TAOK1: variants seen among roughly 807,000 people sequenced by gnomAD.
TAOK1 encodes the protein TAO kinase 1, also known as serine/threonine-protein kinase TAO1.
In TAOK1, 21 loss-of-function variants were observed where a neutral mutation model predicts 138.3. The ratio of observed to expected loss-of-function variants is 0.15; its 90% CI spans 0.11 to 0.22. The LOEUF is 0.22. Among genes scored for constraint, TAOK1 ranks in the 10% least tolerant of loss-of-function variants. The pLI, the probability that TAOK1 is intolerant of heterozygous loss-of-function variation, is 1.00. For missense variants in TAOK1, 651 were observed against 1,227.7 expected (o/e 0.53, Z 7.02); for synonymous variants, 361 against 398.4 (o/e 0.91, Z 1.12).
intron 11 of TAOK1, among the ~76,000 whole-genome samples, chr17:29,497,714 C>CAAAAA (rs373537264): frequency 1.5e-4 from 15 of 100,662 alleles, no homozygotes; most frequent in Non-Finnish European, 2.5e-4. Context: ...TATTGAAATA[C>CAAAAA]AAAAAAAAAA....
chr17:29,551,421 TA>T lies in TAOK1; in HGVS notation c.*8403del, dbSNP rs2032491993. ...AGTGGACAAAGAACTTGTGGTCTTT[TA>T]AAACTGGGACTGATACTTTTTTGAG... On this transcript the variant is annotated 3_prime_UTR_variant, in exon 20 of 20. Transcript: ENST00000261716. The T allele has an allele frequency of 6.6e-6, 1 of 152,206 alleles. No individual in the cohort carries two copies. The highest frequency in any genetic ancestry group is 1.5e-5 in the Non-Finnish European group (1 of 68,028). The allele number at this position is 152,206 out of a possible 1,614,324, so 9.4% of individuals were successfully genotyped here. A position where few individuals can be genotyped will look rare whatever the true frequency, so the allele number is the denominator to read the frequency against.
At chr17:29,516,285 G>T (rs928386027) in intron 15 of TAOK1, among the ~76,000 whole-genome samples, 8 of 151,878 alleles carry the variant, frequency 5.3e-5, no homozygotes, top group African/African-American at 1.9e-4. Context: ...AAAATTTACT[G>T]ATGCAAAATG....
chr17:29,470,742 T>C (rs1598494933), intron 3 of TAOK1, among the ~76,000 whole-genome samples: 1 of 152,224 alleles, frequency 6.6e-6, no homozygotes, highest in Admixed American at 6.5e-5. Context: ...CTTGGAGATA[T>C]TGTGGGTTTT....
chr17:29,406,385 G>A (rs766992050), intron 1 of TAOK1, among the ~76,000 whole-genome samples: 20 of 152,004 alleles, frequency 1.3e-4, no homozygotes, highest in Admixed American at 2.6e-4. Flanking sequence ...AGTACAAAGG[G>A]TATTATATAC....
chr17:29,535,058 T>C (rs183647690), intron 19 of TAOK1, among the ~76,000 whole-genome samples: 2 of 152,136 alleles, frequency 1.3e-5, no homozygotes, highest in East Asian at 3.9e-4. Context: ...GGCTTAGGCC[T>C]CCCAGCACTT....
chr17:29,505,806 G>C (rs502099), intron 13 of TAOK1, among the ~76,000 whole-genome samples: 1 of 151,808 alleles, frequency 6.6e-6, no homozygotes, highest in African/African-American at 2.4e-5. Context: ...ATGGTGGTGC[G>C]TGCCAGTAGT....
intron 1 of TAOK1, among the ~76,000 whole-genome samples, chr17:29,391,459 C>A (rs1044287764): frequency 6.6e-6 from 1 of 152,118 alleles, no homozygotes; most frequent in Non-Finnish European, 1.5e-5. Context: ...AAATCTATAC[C>A]CCTCTTCTGT....
chr17:29,413,025 A>C (rs1905183042), intron 1 of TAOK1, among the ~76,000 whole-genome samples: 1 of 152,222 alleles, frequency 6.6e-6, no homozygotes, highest in Non-Finnish European at 1.5e-5. Context: ...ATCTGTGGCT[A>C]AAAACATTAA....
At chr17:29,405,536 T>C (rs1904965434) in intron 1 of TAOK1, among the ~76,000 whole-genome samples, 1 of 151,706 alleles carries the variant, frequency 6.6e-6, no homozygotes, top group Non-Finnish European at 1.5e-5. Flanking sequence ...CCCAGCATTT[T>C]GGGAGGCCGA....
intron 15 of TAOK1, among the ~76,000 whole-genome samples, chr17:29,517,209 C>T (rs1211810502): frequency 3.3e-5 from 5 of 151,816 alleles, no homozygotes; most frequent in Non-Finnish European, 2.9e-5. Context: ...AGGATGGTCT[C>T]GATCTCCTGA....
At chr17:29,448,027 TTTA>T (rs971301309) in intron 1 of TAOK1, among the ~76,000 whole-genome samples, 36 of 150,930 alleles carry the variant, frequency 2.4e-4, no homozygotes, top group African/African-American at 8.0e-4. Context: ...TATCTTTTTT[TTTA>T]TTATTTTTGG....
At chr17:29,423,233 T>A (rs1480415647) in intron 1 of TAOK1, among the ~76,000 whole-genome samples, 4 of 150,254 alleles carry the variant, frequency 2.7e-5, no homozygotes, top group African/African-American at 7.3e-5. Context: ...TCTTTTTTTT[T>A]TTTTGAGACA....
At chr17:29,501,437 A>C (rs1207437106) in intron 12 of TAOK1, among the ~76,000 whole-genome samples, 2 of 151,896 alleles carry the variant, frequency 1.3e-5, no homozygotes, top group Non-Finnish European at 2.9e-5. Context: ...AAAAAAAAAA[A>C]AAAGATTATT....
intron 17 of TAOK1, among the ~76,000 whole-genome samples, chr17:29,525,899 A>G (rs1223363474): frequency 1.3e-5 from 2 of 152,200 alleles, no homozygotes; most frequent in Non-Finnish European, 2.9e-5. Context: ...TGGGAGGTTG[A>G]GGCAGGAGAT....
chr17:29,499,231 T>C (rs1352924157), intron 12 of TAOK1, among the ~76,000 whole-genome samples: 1 of 42,732 alleles, frequency 2.3e-5, no homozygotes, highest in Non-Finnish European at 3.9e-5. Context: ...GTTTATATCT[T>C]TTTTTTTTTT....
chr17:29,468,273 A>T (rs1195115583), intron 3 of TAOK1, among the ~76,000 whole-genome samples: 1 of 150,100 alleles, frequency 6.7e-6, no homozygotes, highest in Non-Finnish European at 1.5e-5. Flanking sequence ...AGTAGCTGGG[A>T]CTACAGGTGC....
chr17:29,493,774 T>A (rs183537270), intron 10 of TAOK1, among the ~76,000 whole-genome samples: 23 of 152,254 alleles, frequency 1.5e-4, no homozygotes, highest in African/African-American at 5.3e-4. Context: ...AATAAAAAAA[T>A]TTAATGTATG....
intron 1 of TAOK1, among the ~76,000 whole-genome samples, chr17:29,425,309 A>G (rs947268240): frequency 5.3e-5 from 8 of 152,186 alleles, no homozygotes; most frequent in African/African-American, 1.9e-4. Context: ...CTGACTTCAA[A>G]TGATTCTCCT....
At chr17:29,471,411 G>A (rs1206692717) in intron 3 of TAOK1, among the ~76,000 whole-genome samples, 1 of 148,490 alleles carries the variant, frequency 6.7e-6, no homozygotes, top group East Asian at 2.0e-4. Context: ...CCGAGTAGCT[G>A]GGACTACAGG....
Sources: allele counts gnomAD v4.1 joint callset (sites outside exome capture counted in the v4.1 genomes callset), GRCh38; gene constraint gnomAD v4.1.1; transcripts MANE v1.5; gene names NCBI Gene and HGNC (gene_info 2026-07-23, HGNC 2026-07-21).